PRTN3: variants seen among roughly 807,000 people sequenced by gnomAD.
PRTN3 encodes proteinase 3.
Under a neutral mutation model 20.7 loss-of-function variants are expected in PRTN3, and 22 were observed. That is an observed-to-expected ratio of 1.06 (90% CI 0.76 to 1.52). The LOEUF is 1.52. PRTN3 is among the 40% of genes most tolerant of loss of function. The probability of loss-of-function intolerance (pLI) is 0.00; values close to 1 mark genes in which losing one functional copy is unlikely to be tolerated. For missense variants in PRTN3, 378 were observed against 359.6 expected (o/e 1.05, Z -0.41); for synonymous variants, 173 against 152.9 (o/e 1.13, Z -0.97).
In PRTN3 at chr19:843,569, GAGGCACCTTGATC is replaced by G. The variant is rs2035473058; in HGVS notation, c.171_183del (p.Gly58ThrfsTer6). The G allele has an allele frequency of 1.2e-6, 2 of 1,602,952 alleles. No individual in the cohort carries two copies. The highest frequency in any genetic ancestry group is 1.7e-6 in the Non-Finnish European group (2 of 1,177,736). The stretch of plus-strand genomic sequence containing the variant: ...GGGAACCCGGGCAGCCACTTCTGCG[GAGGCACCTTGATC>G]CACCCCAGCTTCGTGCTGACGGCCG... On this transcript the variant is annotated frameshift_variant, in exon 2 of 5. Transcript: ENST00000234347. LOFTEE classifies it high-confidence loss of function.
Position 848,083 on chromosome 19 carries a change from A to G in PRTN3, c.*114A>G. 1.5e-6 allele frequency: 2 copies of G among 1,314,348 alleles called. No individual in the cohort carries two copies. The highest frequency in any genetic ancestry group is 2.1e-6 in the Non-Finnish European group (2 of 975,358). The allele number at this position is 1,314,348 out of a possible 1,614,324, so 81.4% of individuals were successfully genotyped here. On this transcript the variant is annotated 3_prime_UTR_variant, in exon 5 of 5. Coordinates refer to ENST00000234347, the MANE Select transcript of PRTN3 (RefSeq NM_002777.4). ...ACACTGTGGCGTCCGGGACGGCCCC[A>G]CCCGTCCCCCCACACTCCCTCCCAC...
In PRTN3 at chr19:848,000, C is replaced by A. The variant is rs774563417; in HGVS notation, c.*31C>A. The stretch of plus-strand genomic sequence containing the variant: ...CCCTCCCACAGCGCTGGCCGGGACC[C>A]CGAGCCTGGCTCCAAACCCTCGAGG... On this transcript the variant is annotated 3_prime_UTR_variant, in exon 5 of 5. Transcript: ENST00000234347. 1 of 1,571,860 alleles carries A rather than the reference C, an allele frequency of 6.4e-7. No homozygotes were observed. Among genetic ancestry groups the A allele is most frequent in the East Asian group, 2.3e-5 (1 of 43,160 alleles).
intron 3 of PRTN3, 112 bp from the exon 4 acceptor site, chr19:846,035 G>GGCATCCTCGC: frequency 1.5e-6 from 1 of 670,420 alleles, no homozygotes; most frequent in Non-Finnish European, 2.4e-6. Flanking sequence ...CGGAGGGAGC[G>GGCATCCTCGC]GCATCCGCGG....
At chr19:843,742 A>G in intron 2 of PRTN3, 116 bp downstream of exon 2, 1 of 1,451,614 alleles carries the variant, frequency 6.9e-7, no homozygotes, top group South Asian at 1.4e-5. Context: ...TGCAGACCCC[A>G]GGCCCCGCGC....
intron 2 of PRTN3, 68 bp from the exon 3 acceptor site, chr19:843,825 G>T: frequency 6.6e-7 from 1 of 1,511,302 alleles, no homozygotes. Flanking sequence ...CCGCGGCCTC[G>T]GGAAGGGCCG....
Position 847,853 on chromosome 19 carries a change from T to G in PRTN3, c.655T>G (p.Phe219Val). 1 of 1,609,006 alleles carries G rather than the reference T, an allele frequency of 6.2e-7. No individual in the cohort carries two copies. The highest frequency in any genetic ancestry group is 8.5e-7 in the Non-Finnish European group (1 of 1,177,454). Residue 219 changes from phenylalanine (F) to valine (V), a missense_variant, in exon 5 of 5, where the codon TTC becomes GTC. Transcript: ENST00000234347. The stretch of plus-strand genomic sequence containing the variant: ...TGGCATCATCCAAGGAATAGACTCC[T>G]TCGTGATCTGGGGATGTGCCACCCG... ...CDGIIQGIDS[F>V]VIWGCATRLF... is the part of the protein sequence containing the mutation.
chr19:844,454 TCCTCTCCCCCGCCCGCG>T (rs1280860057), intron 3 of PRTN3, among the ~76,000 whole-genome samples: 19 of 6,132 alleles, frequency 3.1e-3, no homozygotes, highest in African/African-American at 0.015. Flanking sequence ...CCCCGGCCGC[TCCTCTCCCCCGCCCGCG>T]CCTCTCCCCC....
At chr19:845,644 G>A (rs1019649330) in intron 3 of PRTN3, among the ~76,000 whole-genome samples, 4 of 151,692 alleles carry the variant, frequency 2.6e-5, no homozygotes, top group African/African-American at 9.7e-5. Context: ...AACCCAGGAG[G>A]CAGAGGTTGC....
Position 844,049 on chromosome 19 carries a change from C to T in PRTN3, c.369+15C>T. ...TCCTCATCCAGGTGGGCGGGCAGGG[C>T]CGCGAGGGCTCGGAGGGGCACGGCC... On this transcript the variant is annotated intron_variant, in intron 3 of 4. Transcript: ENST00000234347. 3.8e-6 allele frequency: 6 copies of T among 1,594,742 alleles called. No individual in the cohort carries two copies. The highest frequency in any genetic ancestry group is 5.1e-6 in the Non-Finnish European group (6 of 1,171,002).
intron 3 of PRTN3, 43 bp downstream of exon 3, chr19:844,077 A>C (rs351112): frequency 0.5 from 776,525 of 1,557,522 alleles, 198,850 homozygotes; most frequent in Admixed American, 0.7. Flanking sequence ...GCACGGCCAG[A>C]GGGCTCCGGG....
intron 3 of PRTN3, among the ~76,000 whole-genome samples, chr19:845,150 G>A (rs1240240488): frequency 2.6e-5 from 4 of 151,880 alleles, no homozygotes; most frequent in African/African-American, 4.8e-5. Context: ...GTTTTGCCAC[G>A]TTGGCCAGGC....
chr19:843,446 A>C lies in PRTN3; in HGVS notation c.62-15A>C. 6.5e-7 allele frequency: 1 copy of C among 1,540,470 alleles called. No homozygotes were observed. The highest frequency in any genetic ancestry group is 1.2e-5 in the South Asian group (1 of 83,794). ...AGCCTGGGGGCTCCCTGACGCCTGGACTCCCCCCCTGCAGGTGCTGCCCGA... is the reference window on the plus strand; with the variant it reads ...AGCCTGGGGGCTCCCTGACGCCTGGCCTCCCCCCCTGCAGGTGCTGCCCGA... On this transcript the variant is annotated splice_polypyrimidine_tract_variant and intron_variant, in intron 1 of 4. Transcript: ENST00000234347.
At chr19:846,077 TG>T in intron 3 of PRTN3, 69 bp from the exon 4 acceptor site, 1 of 1,201,630 alleles carries the variant, frequency 8.3e-7, no homozygotes, top group Non-Finnish European at 1.1e-6. Context: ...GTGGGTGTGG[TG>T]GGAGGGCGGC....
At position 844,614 on chromosome 19, in the gene PRTN3, A is replaced by G. The variant is rs1705585760; in HGVS notation, c.369+580A>G. ...CGGCGCCTCCCCTGACCTCACTGGAAGTGGCGAGGACAGCCACAGCCCTCC... is the reference window on the plus strand; with the variant it reads ...CGGCGCCTCCCCTGACCTCACTGGAGGTGGCGAGGACAGCCACAGCCCTCC... On this transcript the variant is annotated intron_variant, in intron 3 of 4. Coordinates refer to ENST00000234347, the MANE Select transcript of PRTN3 (RefSeq NM_002777.4). 4.0e-5 allele frequency among the ~76,000 whole-genome samples: 6 copies of G among 148,866 alleles called. No individual in the cohort carries two copies. In the Admixed American group the frequency reaches 4.1e-4, roughly 10 times the overall value.
chr19:843,730 T>C, intron 2 of PRTN3, 104 bp downstream of exon 2: 1 of 1,466,252 alleles, frequency 6.8e-7, no homozygotes, highest in South Asian at 1.4e-5. Flanking sequence ...CTAAGCCCCG[T>C]CTGCAGACCC....
rs185020896 is a variant in PRTN3, at chr19:847,151, T to C, written c.601-648T>C. Among the ~76,000 whole-genome samples, 6 of 152,204 alleles carry C rather than the reference T, an allele frequency of 3.9e-5. No individual in the cohort carries two copies. The East Asian group carries it at 9.7e-4, about 25-fold the overall frequency. On this transcript the variant is annotated intron_variant, in intron 4 of 4. Transcript: ENST00000234347. Reference sequence around the variant, plus strand: ...CAGGGTGGCATCTCTACAAATAATTTAAATATTAGCTGGGCATGGTGATGT... The same window carrying C: ...CAGGGTGGCATCTCTACAAATAATTCAAATATTAGCTGGGCATGGTGATGT...
chr19:843,863 C>A (rs1319623001), intron 2 of PRTN3, 30 bp from the exon 3 acceptor site: 4 of 1,560,830 alleles, frequency 2.6e-6, no homozygotes, highest in South Asian at 1.2e-5. Flanking sequence ...GTGTCCAGGG[C>A]GCCGAGGAGT....
At chr19:841,196 A>C in intron 1 of PRTN3, 127 bp downstream of exon 1, 1 of 1,235,494 alleles carries the variant, frequency 8.1e-7, no homozygotes, top group Non-Finnish European at 1.1e-6. Context: ...GTCAGGGGAG[A>C]CTCCACTCAC....
chr19:844,217 TCCCCGCCTCTCCCCCGC>T (rs2035484716), intron 3 of PRTN3, among the ~76,000 whole-genome samples, 183 bp downstream of exon 3: 1 of 96,024 alleles, frequency 1.0e-5, no homozygotes, highest in Admixed American at 1.1e-4. Context: ...CCACTCCTCC[TCCCCGCCTCTCCCCCGC>T]CCGCGCCTCT....
Sources: allele counts gnomAD v4.1 joint callset (sites outside exome capture counted in the v4.1 genomes callset), GRCh38; gene constraint gnomAD v4.1.1; transcripts MANE v1.5; gene names NCBI Gene and HGNC (gene_info 2026-07-23, HGNC 2026-07-21).